KLHL12: variants seen among roughly 807,000 people sequenced by gnomAD.
KLHL12 encodes kelch like family member 12, also known as kelch-like protein 12.
KLHL12 carries 17 observed loss-of-function variants against 60.8 expected under a neutral mutation model. The ratio of observed to expected loss-of-function variants is 0.28; its 90% CI spans 0.19 to 0.42. The LOEUF is 0.42. KLHL12 is among the 10% of genes least tolerant of loss of function. The pLI, the probability that KLHL12 is intolerant of heterozygous loss-of-function variation, is 1.00. For missense variants in KLHL12, 468 were observed against 722.3 expected (o/e 0.65, Z 4.04); for synonymous variants, 220 against 250.9 (o/e 0.88, Z 1.16).
In KLHL12 at chr1:202,925,006, C is replaced by G. The variant is rs1653455035; in HGVS notation, c.157G>C (p.Ala53Pro). The change falls in exon 2 of 12, where the codon GCC (alanine) becomes CCC (proline). Residue 53 changes from alanine to proline, a missense_variant. Ala to Pro is a conservative substitution (Grantham distance 27, BLOSUM62 -1). This residue lies in a region of KLHL12 where 339 missense variants were observed against 525.0 expected (regional missense o/e 0.65). Transcript: ENST00000367261. ...DFPAHRIVLA[A>P]CSDYFCAMFT... ...ATGGCACAGAAGTAATCACTACAGG[C>G]AGCCAGCACAATCCGATGGGCAGGG... 6.2e-7 allele frequency: 1 copy of G among 1,614,046 alleles called. No individual in the cohort carries two copies. The highest frequency in any genetic ancestry group is 1.7e-5 in the Admixed American group (1 of 60,002).
In KLHL12 at chr1:202,891,965, G is replaced by A. The variant is rs1659688329; in HGVS notation, c.*568C>T. Reference sequence around the variant, plus strand: ...ATCCTGACCTCCAAAAGAAGTGTCAGATGAGTCTCTCTCTCCCTTGTCCCC... The same window carrying A: ...ATCCTGACCTCCAAAAGAAGTGTCAAATGAGTCTCTCTCTCCCTTGTCCCC... On this transcript the variant is annotated 3_prime_UTR_variant, in exon 12 of 12. Coordinates refer to ENST00000367261, the MANE Select transcript of KLHL12 (RefSeq NM_021633.4). 6.6e-6 allele frequency: 1 copy of A among 151,858 alleles called. No individual in the cohort carries two copies. Among genetic ancestry groups the A allele is most frequent in the Admixed American group, 6.6e-5 (1 of 15,220 alleles). The allele number at this position is 151,858 out of a possible 1,614,324, so 9.4% of individuals were successfully genotyped here.
chr1:202,899,854 T>TA (rs1232567754), intron 6 of KLHL12, among the ~76,000 whole-genome samples: 4 of 149,872 alleles, frequency 2.7e-5, no homozygotes, highest in South Asian at 2.1e-4. Flanking sequence ...TAATAATAAA[T>TA]AAAAAAATCA....
At chr1:202,913,964 C>G (rs372382040) in intron 4 of KLHL12, among the ~76,000 whole-genome samples, 4 of 152,268 alleles carry the variant, frequency 2.6e-5, no homozygotes, top group African/African-American at 9.6e-5. Context: ...AGAGTACTTC[C>G]ATCTTCATAG....
At chr1:202,919,702 A>C in intron 3 of KLHL12, 53 bp downstream of exon 3, 1 of 1,525,838 alleles carries the variant, frequency 6.6e-7, no homozygotes, top group Non-Finnish European at 8.9e-7. Context: ...ATTAATTTTC[A>C]ACCTTTCCAG....
At chr1:202,910,459 T>C (rs1660320135) in intron 5 of KLHL12, among the ~76,000 whole-genome samples, 2 of 152,366 alleles carry the variant, frequency 1.3e-5, no homozygotes, top group South Asian at 4.1e-4. Context: ...CTAAGAGATC[T>C]AGGGCTGGGC....
intron 4 of KLHL12, among the ~76,000 whole-genome samples, chr1:202,911,583 G>A (rs1264282099): frequency 6.6e-6 from 1 of 152,052 alleles, no homozygotes; most frequent in East Asian, 1.9e-4. Context: ...CTTTAAGGAA[G>A]GCAGGTGGGG....
At chr1:202,919,537 C>A (rs574669876) in intron 3 of KLHL12, among the ~76,000 whole-genome samples, 2 of 151,888 alleles carry the variant, frequency 1.3e-5, no homozygotes, top group African/African-American at 4.8e-5. Flanking sequence ...GGTGCAAATG[C>A]TCTCTTTTAT....
intron 1 of KLHL12, 123 bp from the exon 2 acceptor site, chr1:202,925,330 G>A: frequency 2.6e-6 from 3 of 1,145,846 alleles, no homozygotes; most frequent in South Asian, 3.3e-5. Flanking sequence ...CACAAGTTGA[G>A]GGCACTCCTA....
chr1:202,895,710 G>A lies in KLHL12; in HGVS notation c.947C>T (p.Thr316Ile). 3 of 1,613,720 alleles carry A rather than the reference G, an allele frequency of 1.9e-6. No individual in the cohort carries two copies. Among genetic ancestry groups the A allele is most frequent in the Non-Finnish European group, 2.5e-6 (3 of 1,179,696 alleles). Residue 316 changes from threonine to isoleucine, a missense_variant, in exon 8 of 12, where the codon ACT (threonine) becomes ATT (isoleucine). Thr to Ile is a moderately conservative substitution (Grantham distance 89). Coordinates refer to ENST00000367261, the MANE Select transcript of KLHL12 (RefSeq NM_021633.4). The surrounding 1 kb of genome is among the most constrained non-coding windows in gnomAD (Gnocchi z 4.2). ...TQEWSFLPSI[T>I]RKRRYVASVS... ...TGAGGCCACATAACGTCTCTTACGA[G>A]TGATGCTCTATGGATTTGGAGAGAA...
Position 202,926,428 on chromosome 1 carries a change from A to T in KLHL12, c.-46+661T>A, listed in dbSNP as rs1282901909. Among the ~76,000 whole-genome samples the T allele has an allele frequency of 2.0e-5, 3 of 152,148 alleles. No homozygotes were observed. The East Asian group carries it at 5.8e-4, about 29-fold the overall frequency. On this transcript the variant is annotated intron_variant, in intron 1 of 11. Coordinates refer to ENST00000367261, the MANE Select transcript of KLHL12 (RefSeq NM_021633.4). ...GTTTGTAGTTGGCATTTTACTCTAT[A>T]AGCACTATAGATAATTCCTCCAACA...
rs1407545424 is a variant in KLHL12 at position 202,894,230 on chromosome 1, A to C, written c.1347T>G (p.His449Gln). Residue 449 changes from histidine (H) to glutamine (Q), a missense_variant, in exon 10 of 12, where the codon CAT (histidine) becomes CAG (glutamine). His to Gln is a conservative substitution (Grantham distance 24). Around this residue, in one of 4 missense-constraint regions of KLHL12, gnomAD observed 339 missense variants for 525.0 expected, o/e 0.65. Coordinates refer to ENST00000367261, the MANE Select transcript of KLHL12 (RefSeq NM_021633.4). ...ILNSVEKYDP[H>Q]TGHWTNVTPM... ...GTGTAACATTAGTCCAATGTCCTGT[A>C]TGAGGGTCGTATTTCTCAACTGAAT... 6.4e-7 allele frequency: 1 copy of C among 1,558,372 alleles called. No homozygotes were observed. Among genetic ancestry groups the C allele is most frequent in the East Asian group, 2.4e-5 (1 of 42,128 alleles).
Position 202,893,492 on chromosome 1 carries a change from CTA to C in KLHL12, c.1394-69_1394-68del. On this transcript the variant is annotated intron_variant, in intron 10 of 11. Coordinates refer to ENST00000367261, the MANE Select transcript of KLHL12 (RefSeq NM_021633.4). The surrounding 1 kb of genome is among the most constrained non-coding windows in gnomAD (Gnocchi z 4.1). ...CTAGAATCTGAATTATAGAAATAAA[CTA>C]CGGTCACTAATGACTAGCTGAGTTC... The C allele has an allele frequency of 7.4e-7, 1 of 1,344,972 alleles. No homozygotes were observed. The highest frequency in any genetic ancestry group is 1.0e-6 in the Non-Finnish European group (1 of 962,106). 83.3% of individuals were successfully genotyped at this position (1,344,972 alleles called of 1,614,324 possible).
At chr1:202,912,207 G>A in intron 4 of KLHL12, 2 of 1,052,264 alleles carry the variant, frequency 1.9e-6, no homozygotes, top group Non-Finnish European at 2.9e-6. Flanking sequence ...TGGAAAAACG[G>A]AAGTGATTGA....
chr1:202,911,701 G>A, intron 4 of KLHL12: 1 of 558,918 alleles, frequency 1.8e-6, no homozygotes, highest in South Asian at 2.6e-5. Context: ...AGCCTCTGAA[G>A]CAGGAGCTTC....
intron 6 of KLHL12, among the ~76,000 whole-genome samples, chr1:202,900,222 A>T (rs1453314722): frequency 9.0e-6 from 1 of 111,012 alleles, no homozygotes. Flanking sequence ...TCCCTGCCCC[A>T]CCCCCCAACC....
chr1:202,918,058 A>G (rs978034448), intron 4 of KLHL12, 113 bp downstream of exon 4: 21 of 805,750 alleles, frequency 2.6e-5, no homozygotes, highest in Non-Finnish European at 4.3e-5. Context: ...GAAATCTTTG[A>G]GCCAAAATGC....
At chr1:202,924,904 T>C (rs1042024622) in intron 2 of KLHL12, 64 bp downstream of exon 2, 6 of 1,549,322 alleles carry the variant, frequency 3.9e-6, no homozygotes, top group Non-Finnish European at 5.2e-6. Flanking sequence ...ACTATTTTAT[T>C]CAGTGAAATT....
In KLHL12 at chr1:202,919,762, C is replaced by G. The variant is rs759956130; in HGVS notation, c.342G>C (p.Gln114His). 1 of 1,610,680 alleles carries G rather than the reference C, an allele frequency of 6.2e-7. No homozygotes were observed. The highest frequency in any genetic ancestry group is 1.1e-5 in the South Asian group (1 of 90,038). ...AAGTTTTAATGTCTGTACCTTTCAA[C>G]TGAAGCAGACAGGCTGCAGGAAGCA... ...QELLPAACLL[Q>H]LKGVKQACCE... Residue 114 changes from glutamine to histidine, a missense_variant, in exon 3 of 12, where the codon CAG becomes CAC. By Grantham distance (24) the Gln-to-His change is conservative. Transcript: ENST00000367261.
At chr1:202,922,934 T>C (rs1046853609) in intron 2 of KLHL12, among the ~76,000 whole-genome samples, 3 of 151,556 alleles carry the variant, frequency 2.0e-5, no homozygotes, top group Admixed American at 6.6e-5. Flanking sequence ...TCAGATGACA[T>C]TTGAGGAGCA....
Sources: allele counts gnomAD v4.1 joint callset (sites outside exome capture counted in the v4.1 genomes callset), GRCh38; gene constraint gnomAD v4.1.1; regional missense constraint gnomAD v4.1.1; non-coding constraint Gnocchi (gnomAD v3.1); transcripts MANE v1.5; gene names NCBI Gene and HGNC (gene_info 2026-07-23, HGNC 2026-07-21).